The following GDI2 variants were observed in gnomAD, a reference collection of about 807,000 sequenced individuals.
GDI2 encodes GDP dissociation inhibitor 2.
A neutral mutation model predicts 54.2 loss-of-function variants in GDI2; 22 were observed. The observed-to-expected ratio is 0.41, with a 90% CI of 0.29 to 0.58. The LOEUF (loss-of-function observed/expected upper bound fraction) is 0.58. GDI2 is among the 20% of genes least tolerant of loss of function. GDI2 has a pLI of 0.35. For missense variants in GDI2, 422 were observed against 546.0 expected (o/e 0.77, Z 2.26); for synonymous variants, 177 against 182.1 (o/e 0.97, Z 0.23).
At chr10:5,775,218 G>A (rs556398068) in intron 6 of GDI2, among the ~76,000 whole-genome samples, 1 of 152,124 alleles carries the variant, frequency 6.6e-6, no homozygotes, top group African/African-American at 2.4e-5. Flanking sequence ...AGCCTGAGAG[G>A]TCGAGGCTGC....
intron 4 of GDI2, among the ~76,000 whole-genome samples, chr10:5,793,752 TGAA>T (rs1841066843): frequency 6.6e-6 from 1 of 152,138 alleles, no homozygotes; most frequent in Non-Finnish European, 1.5e-5. Context: ...TAAAACATCT[TGAA>T]GAACAAAAAG....
chr10:5,779,376 C>T (rs182478918), intron 6 of GDI2, among the ~76,000 whole-genome samples: 69 of 151,796 alleles, frequency 4.5e-4, no homozygotes, highest in African/African-American at 1.6e-3. Context: ...AGTGTGGTGG[C>T]ATGTGCCTGT....
chr10:5,794,183 AAAAAAATATATATATATATATAT>A (rs1400502431), intron 4 of GDI2, among the ~76,000 whole-genome samples: 1 of 53,142 alleles, frequency 1.9e-5, no homozygotes. Context: ...AAAAAAAAAA[AAAAAAATATATATATATATATAT>A]ATATATATAT....
At chr10:5,778,493 G>A (rs1840676164) in intron 6 of GDI2, among the ~76,000 whole-genome samples, 1 of 152,166 alleles carries the variant, frequency 6.6e-6, no homozygotes, top group South Asian at 2.1e-4. Context: ...ATACGTGTGT[G>A]CCACACTTTG....
At chr10:5,773,971 A>C in intron 6 of GDI2, 30 bp from the exon 7 acceptor site, 1 of 903,206 alleles carries the variant, frequency 1.1e-6, no homozygotes, top group South Asian at 1.4e-5. Flanking sequence ...CCAATTAATA[A>C]TATATAGTTG....
chr10:5,803,603 G>C (rs1841315019), intron 1 of GDI2, among the ~76,000 whole-genome samples: 1 of 152,132 alleles, frequency 6.6e-6, no homozygotes, highest in Non-Finnish European at 1.5e-5. Context: ...AACAGATCCT[G>C]AGACTAAAAA....
At chr10:5,804,846 T>C (rs946945246) in intron 1 of GDI2, among the ~76,000 whole-genome samples, 1 of 151,764 alleles carries the variant, frequency 6.6e-6, no homozygotes, top group Non-Finnish European at 1.5e-5. Flanking sequence ...TTTTTTTTTT[T>C]ATTAAAGACA....
rs1023163532 is a variant in GDI2 at position 5,765,856 on chromosome 10, TAGAA to T, written c.*146_*149del. ...CACTCCATGAAAACAAGTTAATAATTAGAAAGGTGAAGGGGAGTATTTACTGGCA... is the reference window on the plus strand; with the variant it reads ...CACTCCATGAAAACAAGTTAATAATTAGGTGAAGGGGAGTATTTACTGGCA... On this transcript the variant is annotated 3_prime_UTR_variant, in exon 11 of 11. Transcript: ENST00000380191. The T allele has an allele frequency of 8.3e-5, 48 of 578,754 alleles. No individual in the cohort carries two copies. In the African/African-American group the frequency reaches 8.6e-4, roughly 10 times the overall value. 35.9% of individuals were successfully genotyped at this position (578,754 alleles called of 1,614,324 possible). A position where few individuals can be genotyped will look rare whatever the true frequency, so the allele number is the denominator to read the frequency against.
rs911585704 is a variant in GDI2 at position 5,771,016 on chromosome 10, C to T, written c.820-2632G>A. 1.8e-4 allele frequency among the ~76,000 whole-genome samples: 21 copies of T among 113,596 alleles called. No individual in the cohort carries two copies. In the East Asian group the frequency reaches 4.7e-3, roughly 25 times the overall value. The allele number at this position is 113,596 out of a possible 152,430, so 74.5% of individuals were successfully genotyped here. A position where few individuals can be genotyped will look rare whatever the true frequency, so the allele number is the denominator to read the frequency against. On this transcript the variant is annotated intron_variant, in intron 7 of 10. Transcript: ENST00000380191. ...GGTAAATTTTATGGGTACTTTATCA[C>T]AAAAAAAAAAAATGGAGGGAAAAAG...
At chr10:5,802,548 G>A (rs377029028) in intron 1 of GDI2, among the ~76,000 whole-genome samples, 18 of 151,628 alleles carry the variant, frequency 1.2e-4, no homozygotes, top group African/African-American at 3.6e-4. Flanking sequence ...GCAGTGAGCC[G>A]AGATCGCGCC....
rs966881815 is a variant in GDI2 at position 5,813,430 on chromosome 10, G to A, written c.-172C>T. On this transcript the variant is annotated 5_prime_UTR_variant, in exon 1 of 11. Coordinates refer to ENST00000380191, the MANE Select transcript of GDI2 (RefSeq NM_001494.4). ...ACCGCCACCTCAGACGGGAAGAGAA[G>A]AACTGGGCGGGGAGAGGAGGGGAGG... 5.6e-5 allele frequency: 17 copies of A among 303,068 alleles called. No homozygotes were observed. The highest frequency in any genetic ancestry group is 2.6e-4 in the African/African-American group (11 of 42,578). The allele number at this position is 303,068 out of a possible 1,614,324, so 18.8% of individuals were successfully genotyped here. A position where few individuals can be genotyped will look rare whatever the true frequency, so the allele number is the denominator to read the frequency against.
chr10:5,778,564 A>C (rs1181714024), intron 6 of GDI2, among the ~76,000 whole-genome samples: 1 of 152,262 alleles, frequency 6.6e-6, no homozygotes, highest in Non-Finnish European at 1.5e-5. Context: ...TTTTATGAAG[A>C]AAGGAACCAA....
At chr10:5,812,887 G>A (rs1841506887) in intron 1 of GDI2, among the ~76,000 whole-genome samples, 1 of 152,176 alleles carries the variant, frequency 6.6e-6, no homozygotes, top group Admixed American at 6.5e-5. Context: ...CGGGGAGCGG[G>A]ACCCTTGGCC....
intron 3 of GDI2, among the ~76,000 whole-genome samples, chr10:5,795,515 T>C (rs1841125846): frequency 6.6e-6 from 1 of 152,240 alleles, no homozygotes; most frequent in African/African-American, 2.4e-5. Flanking sequence ...TTTATCTTTT[T>C]TTCCTATTCA....
intron 6 of GDI2, among the ~76,000 whole-genome samples, chr10:5,775,621 A>C (rs75186198): frequency 6.6e-6 from 1 of 152,206 alleles, no homozygotes; most frequent in African/African-American, 2.4e-5. Context: ...CAAATCCTTA[A>C]CTACCTCCAG....
chr10:5,783,907 T>C (rs1346224193), intron 6 of GDI2, among the ~76,000 whole-genome samples: 1 of 152,232 alleles, frequency 6.6e-6, no homozygotes, highest in Middle Eastern at 3.2e-3. Flanking sequence ...ACCTGATGAC[T>C]ATGTGCCTAG....
At chr10:5,775,794 C>T (rs577258215) in intron 6 of GDI2, among the ~76,000 whole-genome samples, 3 of 152,136 alleles carry the variant, frequency 2.0e-5, no homozygotes, top group Non-Finnish European at 2.9e-5. Flanking sequence ...AGAGGAGTAA[C>T]GTTTAAGAAT....
chr10:5,782,553 C>T (rs1314844248), intron 6 of GDI2, among the ~76,000 whole-genome samples: 2 of 151,994 alleles, frequency 1.3e-5, no homozygotes, highest in African/African-American at 2.4e-5. Flanking sequence ...TCATAATAGC[C>T]AAAAACTGAA....
chr10:5,768,042 C>T lies in GDI2; in HGVS notation c.991+171G>A, dbSNP rs1456792464. Among the ~76,000 whole-genome samples the T allele has an allele frequency of 1.3e-5, 2 of 152,084 alleles. No homozygotes were observed. Among genetic ancestry groups the T allele is most frequent in the African/African-American group, 2.4e-5 (1 of 41,400 alleles). ...GCTGGCTCCGAGTTGAATCTGTCCG[C>T]GTTGACACAATGCTGCCGGAGCAGG... On this transcript the variant is annotated intron_variant, in intron 8 of 10. Transcript: ENST00000380191. The surrounding 1 kb of genome is among the most constrained non-coding windows in gnomAD (Gnocchi z 4.4).
Sources: allele counts gnomAD v4.1 joint callset (sites outside exome capture counted in the v4.1 genomes callset), GRCh38; gene constraint gnomAD v4.1.1; non-coding constraint Gnocchi (gnomAD v3.1); transcripts MANE v1.5; gene names NCBI Gene and HGNC (gene_info 2026-07-23, HGNC 2026-07-21).